The following TBX15 variants were observed in gnomAD, a reference collection of about 807,000 sequenced individuals.
The protein encoded by TBX15 is T-box transcription factor TBX15.
A neutral mutation model predicts 53.9 loss-of-function variants in TBX15; 18 were observed. The observed-to-expected ratio is 0.33, with a 90% CI of 0.23 to 0.49. TBX15 has a LOEUF of 0.49. Among genes scored for constraint, TBX15 ranks in the 20% least tolerant of loss-of-function variants. The pLI, the probability that TBX15 is intolerant of heterozygous loss-of-function variation, is 0.98. For missense variants in TBX15, 692 were observed against 749.5 expected, an observed-to-expected ratio of 0.92 and a Z score of 0.90; for synonymous variants, 295 against 278.0, an observed-to-expected ratio of 1.06 and a Z score of -0.61.
chr1:118,917,575 A>C (rs1655282964), intron 5 of TBX15, among the ~76,000 whole-genome samples: 1 of 152,178 alleles, frequency 6.6e-6, no homozygotes, highest in African/African-American at 2.4e-5. Flanking sequence ...CTTAAAATAA[A>C]ATTTAATTTA....
At chr1:118,903,724 A>T (rs1196212347) in intron 6 of TBX15, among the ~76,000 whole-genome samples, 1 of 152,204 alleles carries the variant, frequency 6.6e-6, no homozygotes, top group Non-Finnish European at 1.5e-5. Context: ...CCAGAAAAAA[A>T]TACTTATAAT....
chr1:118,908,976 CA>C (rs1388603551), intron 6 of TBX15, among the ~76,000 whole-genome samples: 1 of 151,998 alleles, frequency 6.6e-6, no homozygotes, highest in Non-Finnish European at 1.5e-5. Flanking sequence ...GACTTCTCAT[CA>C]GGGGCTTAAT....
chr1:118,971,458 T>C (rs1271876711), intron 1 of TBX15, among the ~76,000 whole-genome samples: 1 of 152,122 alleles, frequency 6.6e-6, no homozygotes, highest in African/African-American at 2.4e-5. Context: ...ACCAATTCAG[T>C]TTTACAAATG....
chr1:118,891,093 G>GAAC, intron 7 of TBX15: 4 of 315,492 alleles, frequency 1.3e-5, no homozygotes, highest in Non-Finnish European at 1.1e-5. Context: ...TAGTTGAGAT[G>GAAC]AGTACCATCC....
At chr1:118,903,020 T>C (rs549285599) in intron 6 of TBX15, among the ~76,000 whole-genome samples, 356 of 152,248 alleles carry the variant, frequency 2.3e-3, no homozygotes, top group African/African-American at 8.3e-3. Context: ...AGCAGAGACC[T>C]GATGTCATCT....
At chr1:118,978,970 T>C (rs762402462) in intron 1 of TBX15, among the ~76,000 whole-genome samples, 1 of 152,178 alleles carries the variant, frequency 6.6e-6, no homozygotes, top group Non-Finnish European at 1.5e-5. Context: ...ATCAGTTATT[T>C]ATTTTTCAGG....
chr1:118,943,436 C>A (rs1222191745), intron 1 of TBX15, among the ~76,000 whole-genome samples: 1 of 152,120 alleles, frequency 6.6e-6, no homozygotes, highest in Admixed American at 6.6e-5. Flanking sequence ...TGTAAGGAAG[C>A]CTGCTTTTGA....
chr1:118,917,930 G>A (rs1433378786), intron 5 of TBX15, among the ~76,000 whole-genome samples: 1 of 152,126 alleles, frequency 6.6e-6, no homozygotes, highest in Non-Finnish European at 1.5e-5. Context: ...TTGATCCACA[G>A]GCTCAGGACA....
chr1:118,897,588 A>C (rs1438622872), intron 7 of TBX15, among the ~76,000 whole-genome samples: 3 of 152,178 alleles, frequency 2.0e-5, no homozygotes, highest in African/African-American at 7.2e-5. Context: ...AAATTTCCTC[A>C]CACCAAAAAA....
intron 1 of TBX15, among the ~76,000 whole-genome samples, chr1:118,967,319 A>C (rs1420966240): frequency 6.6e-6 from 1 of 152,226 alleles, no homozygotes; most frequent in Admixed American, 6.5e-5. Flanking sequence ...ATCTAAGTGA[A>C]TAATTTCAAA....
At position 118,987,749 on chromosome 1, in the gene TBX15, T is replaced by C; in HGVS notation, c.47A>G (p.His16Arg). 6.5e-6 allele frequency: 10 copies of C among 1,550,350 alleles called. No individual in the cohort carries two copies. The highest frequency in any genetic ancestry group is 7.0e-6 in the Non-Finnish European group (8 of 1,146,846). ...RSAVALSSRA[H>R]AFSVEALIGS... ...GATCAAGGCTTCAACGGAGAAGGCA[T>C]GTGCTCGCGAGCTCAGGGCGACTGC... The change falls in exon 1 of 8, where the codon CAT becomes CGT. Residue 16 changes from histidine to arginine, a missense_variant. By Grantham distance (29) the His-to-Arg change is conservative. This residue lies in a region of TBX15 where 307 missense variants were observed against 347.5 expected (regional missense o/e 0.88). Transcript: ENST00000369429.
chr1:118,917,858 T>C (rs1779429), intron 5 of TBX15, among the ~76,000 whole-genome samples: 26,238 of 152,126 alleles, frequency 0.17, 2,508 homozygotes, highest in Middle Eastern at 0.32. Flanking sequence ...CTTGTCTAGC[T>C]TTGCAGAGCC....
intron 7 of TBX15, among the ~76,000 whole-genome samples, chr1:118,886,923 C>T (rs1014448376): frequency 1.3e-5 from 2 of 152,302 alleles, no homozygotes. Context: ...TAGAGCTAGA[C>T]AGGTGGATGA....
chr1:118,885,248 G>T lies in TBX15; in HGVS notation c.1293C>A (p.Ala431=), dbSNP rs770927301. 2.5e-6 allele frequency: 4 copies of T among 1,614,176 alleles called. No individual in the cohort carries two copies. The South Asian group carries it at 4.4e-5, about 18-fold the overall frequency. Residue 431 remains alanine, a synonymous_variant, in exon 8 of 8, where the codon GCC becomes GCA. Transcript: ENST00000369429. The stretch of plus-strand genomic sequence containing the variant: ...GCATGAAGGTTTCAGAGGGCTGAGT[G>T]GCTGAAGTGGTGCCACTCTGAAGCC... ...YNRLQSGTTS[A]TQPSETFMPQ...
rs1259380641 is a variant in TBX15, at chr1:118,931,725, C to T, written c.313G>A (p.Ala105Thr). The T allele has an allele frequency of 6.2e-7, 1 of 1,614,052 alleles. No individual in the cohort carries two copies. Residue 105 changes from alanine to threonine, a missense_variant, in exon 2 of 8, where the codon GCT becomes ACT. By Grantham distance (58) the Ala-to-Thr change is moderately conservative. This residue lies in a region of TBX15 where 307 missense variants were observed against 347.5 expected (regional missense o/e 0.88). Transcript: ENST00000369429. The stretch of plus-strand genomic sequence containing the variant: ...ATCTCCTCCATGGAAGACATGGCAG[C>T]AGGCACAGGGCCTGCAGCACCAGAG... Reference protein sequence around the residue: ...LASGAAGPVPAAMSSMEEIQV... With the variant: ...LASGAAGPVPTAMSSMEEIQV...
chr1:118,901,548 T>C (rs1369667273), intron 6 of TBX15, among the ~76,000 whole-genome samples: 1 of 152,214 alleles, frequency 6.6e-6, no homozygotes, highest in African/African-American at 2.4e-5. Context: ...TTTAAGCAGT[T>C]AACTCTATAT....
intron 7 of TBX15, among the ~76,000 whole-genome samples, chr1:118,893,958 G>A (rs540457497): frequency 6.5e-4 from 99 of 152,304 alleles, no homozygotes; most frequent in African/African-American, 2.2e-3. Flanking sequence ...AGACATTAAT[G>A]AAAGAATGAC....
intron 6 of TBX15, among the ~76,000 whole-genome samples, chr1:118,901,785 C>G (rs1368853036): frequency 6.6e-6 from 1 of 152,050 alleles, no homozygotes; most frequent in Non-Finnish European, 1.5e-5. Flanking sequence ...GGTTCCATTA[C>G]CAATAAGTAA....
rs770855716 is a variant in TBX15 at position 118,924,601 on chromosome 1, C to T, written c.693+45G>A. 3.1e-6 allele frequency: 5 copies of T among 1,612,160 alleles called. No homozygotes were observed. In the East Asian group the frequency reaches 8.9e-5, roughly 29 times the overall value. On this transcript the variant is annotated intron_variant, in intron 4 of 7. Transcript: ENST00000369429. The stretch of plus-strand genomic sequence containing the variant: ...TGGGGCTAGCCAGCTCTAAAGCAAA[C>T]AGAGGAAGAGAGAAAGAAAGGGGAG...
Sources: allele counts gnomAD v4.1 joint callset (sites outside exome capture counted in the v4.1 genomes callset), GRCh38; gene constraint gnomAD v4.1.1; regional missense constraint gnomAD v4.1.1; transcripts MANE v1.5; gene names NCBI Gene and HGNC (gene_info 2026-07-23, HGNC 2026-07-21).